PCBP3: variants seen among roughly 807,000 people sequenced by gnomAD.
PCBP3 encodes the protein poly(rC)-binding protein 3.
A neutral mutation model predicts 52.7 loss-of-function variants in PCBP3; 25 were observed. The ratio of observed to expected loss-of-function variants is 0.47; its 90% CI spans 0.35 to 0.66. The LOEUF is 0.66. Among genes scored for constraint, PCBP3 ranks in the 30% least tolerant of loss-of-function variants. The probability of loss-of-function intolerance (pLI) is 0.01; values close to 1 mark genes in which losing one functional copy is unlikely to be tolerated. For synonymous variants in PCBP3, 162 were observed against 183.0 expected (o/e 0.89, Z 0.93); for missense variants, 391 against 490.3 (o/e 0.80, Z 1.91).
At position 45,737,766 on chromosome 21, in the gene PCBP3, A is replaced by G. The variant is rs940522133; in HGVS notation, c.-162+2337A>G. On this transcript the variant is annotated intron_variant, in intron 3 of 17. Transcript: ENST00000681687. The surrounding 1 kb of genome is among the most constrained non-coding windows in gnomAD (Gnocchi z 4.9). ...TTCTGCTGGTGGGAATGGAGGTGCC[A>G]TGAGCACTGAGCTGGTTGGAACAGA... Among the ~76,000 whole-genome samples, 1 of 152,208 alleles carries G rather than the reference A, an allele frequency of 6.6e-6. No homozygotes were observed. Among genetic ancestry groups the G allele is most frequent in the Non-Finnish European group, 1.5e-5 (1 of 68,034 alleles).
At chr21:45,713,888 A>G (rs995436456) in intron 2 of PCBP3, among the ~76,000 whole-genome samples, 2 of 151,910 alleles carry the variant, frequency 1.3e-5, no homozygotes, top group African/African-American at 2.4e-5. Flanking sequence ...GCAATATTTT[A>G]TTGTTGTCTT....
intron 4 of PCBP3, among the ~76,000 whole-genome samples, chr21:45,818,057 C>G (rs1336411524): frequency 2.0e-5 from 3 of 152,110 alleles, no homozygotes; most frequent in Non-Finnish European, 4.4e-5. Context: ...GAGTCTCGCA[C>G]TGTCGCCCAG....
chr21:45,718,111 G>A (rs1248512849), intron 2 of PCBP3, among the ~76,000 whole-genome samples: 1 of 151,060 alleles, frequency 6.6e-6, no homozygotes, highest in Non-Finnish European at 1.5e-5. Flanking sequence ...ATATAAAATT[G>A]TTTATAGTAT....
At chr21:45,840,764 G>A (rs1359800682) in intron 4 of PCBP3, among the ~76,000 whole-genome samples, 1 of 152,116 alleles carries the variant, frequency 6.6e-6, no homozygotes, top group Non-Finnish European at 1.5e-5. Flanking sequence ...GCTGGCATGT[G>A]CCACCATGCC....
chr21:45,892,497 C>T (rs1422433985), intron 5 of PCBP3, among the ~76,000 whole-genome samples: 52 of 120,648 alleles, frequency 4.3e-4, no homozygotes, highest in African/African-American at 1.8e-3. Flanking sequence ...CCGTCTCTCA[C>T]GGGGCGTGGA....
rs2080050823 is a variant in PCBP3, at chr21:45,656,806, G to C, written c.-278-12068G>C. 6.6e-6 allele frequency among the ~76,000 whole-genome samples: 1 copy of C among 152,000 alleles called. No individual in the cohort carries two copies. The highest frequency in any genetic ancestry group is 1.5e-5 in the Non-Finnish European group (1 of 67,976). On this transcript the variant is annotated intron_variant, in intron 1 of 17. Transcript: ENST00000681687. The surrounding 1 kb of genome is among the most constrained non-coding windows in gnomAD (Gnocchi z 4.3). ...TTGCAAATATTTTCCCTCCAACTGT[G>C]AGTAGTCTTTTCATTTTCTTTTCTT...
chr21:45,898,954 C>T (rs562187971), intron 6 of PCBP3, among the ~76,000 whole-genome samples: 1 of 152,196 alleles, frequency 6.6e-6, no homozygotes, highest in South Asian at 2.1e-4. Context: ...TCCACGGGCC[C>T]CTCTGCATGC....
At chr21:45,898,721 G>C (rs145608126) in intron 6 of PCBP3, among the ~76,000 whole-genome samples, 2,975 of 10,628 alleles carry the variant, frequency 0.28, 1,060 homozygotes, top group East Asian at 0.74. Flanking sequence ...GCCTCCCTCT[G>C]CCTCCACGGG....
intron 2 of PCBP3, among the ~76,000 whole-genome samples, chr21:45,690,312 G>T (rs1026312739): frequency 1.4e-4 from 22 of 152,024 alleles, no homozygotes; most frequent in African/African-American, 5.3e-4. Context: ...GCCTAACACT[G>T]TATTCAAAAT....
intron 4 of PCBP3, among the ~76,000 whole-genome samples, chr21:45,816,495 C>CT (rs1156657958): frequency 4.3e-5 from 3 of 70,562 alleles, no homozygotes; most frequent in African/African-American, 1.8e-4. Context: ...TCCTCCTCCC[C>CT]TTCCCCCTCC....
chr21:45,667,357 AT>A (rs900310607), intron 1 of PCBP3, among the ~76,000 whole-genome samples: 11 of 147,156 alleles, frequency 7.5e-5, no homozygotes, highest in Non-Finnish European at 1.1e-4. Flanking sequence ...GTTTCAGCTC[AT>A]TTTTTTTTTA....
rs977059500 is a variant in PCBP3, at chr21:45,727,971, C to T, written c.-199-7421C>T. Among the ~76,000 whole-genome samples, 5 of 152,308 alleles carry T rather than the reference C, an allele frequency of 3.3e-5. No individual in the cohort carries two copies. The South Asian group carries it at 8.3e-4, about 25-fold the overall frequency. ...CTAGCTTTATAATAAATCTTGAAAT[C>T]GGGCAGTATAAGCCCTCCCATTTTG... On this transcript the variant is annotated intron_variant, in intron 2 of 17. Coordinates refer to ENST00000681687, the MANE Select transcript of PCBP3 (RefSeq NM_001384156.1).
chr21:45,855,190 T>C (rs1283593190), intron 5 of PCBP3, among the ~76,000 whole-genome samples: 12 of 152,170 alleles, frequency 7.9e-5, no homozygotes, highest in Non-Finnish European at 1.6e-4. Context: ...TTCCCACAGC[T>C]GATCCTGGAG....
intron 4 of PCBP3, among the ~76,000 whole-genome samples, chr21:45,814,975 T>G (rs1247398748): frequency 3.4e-4 from 19 of 55,722 alleles, no homozygotes; most frequent in Non-Finnish European, 4.6e-4. Flanking sequence ...TGGTGAGTGA[T>G]GAGTGAGTGG....
chr21:45,825,935 A>G (rs2093295039), intron 4 of PCBP3, among the ~76,000 whole-genome samples: 1 of 152,214 alleles, frequency 6.6e-6, no homozygotes, highest in Non-Finnish European at 1.5e-5. Flanking sequence ...CTTCCAAGTT[A>G]CTACCTATGA....
chr21:45,654,338 A>ATTTTTTTT (rs398036499), intron 1 of PCBP3, among the ~76,000 whole-genome samples: 1 of 109,390 alleles, frequency 9.1e-6, no homozygotes, highest in Non-Finnish European at 1.8e-5. Context: ...TAGACATTGC[A>ATTTTTTTT]TTTTTTTTTT....
intron 2 of PCBP3, among the ~76,000 whole-genome samples, chr21:45,707,959 G>C (rs982215352): frequency 1.3e-5 from 2 of 152,218 alleles, no homozygotes; most frequent in Non-Finnish European, 2.9e-5. Flanking sequence ...AGGATGACCT[G>C]AGAAGCTTGC....
intron 4 of PCBP3, among the ~76,000 whole-genome samples, chr21:45,823,356 T>C (rs961503947): frequency 1.3e-5 from 2 of 152,186 alleles, no homozygotes; most frequent in Admixed American, 1.3e-4. Flanking sequence ...CCTTCCACAC[T>C]GTGCAGCTCC....
intron 2 of PCBP3, among the ~76,000 whole-genome samples, chr21:45,718,336 G>A (rs1200998165): frequency 1.3e-5 from 2 of 150,758 alleles, no homozygotes; most frequent in Admixed American, 1.3e-4. Context: ...GTTTCTTGTT[G>A]CCATAGTATT....
Sources: gnomAD v4.1 joint callset for allele counts (sites outside exome capture counted in the v4.1 genomes callset) on GRCh38, gnomAD v4.1.1 for gene constraint, Gnocchi (gnomAD v3.1) non-coding constraint, MANE v1.5 for transcripts, NCBI Gene and HGNC (gene_info 2026-07-23, HGNC 2026-07-21) for gene names.